Variants in NRG3 observed in about 807,000 individuals in gnomAD.
The protein encoded by NRG3 is neuregulin 3.
In NRG3, 31 loss-of-function variants were observed where a neutral mutation model predicts 66.9. The ratio of observed to expected loss-of-function variants is 0.46; its 90% CI spans 0.35 to 0.63. The LOEUF is 0.63. Among genes scored for constraint, NRG3 ranks in the 20% least tolerant of loss-of-function variants. NRG3 has a pLI of 0.00. For missense variants in NRG3, 910 were observed against 878.9 expected (o/e 1.04, Z -0.45); for synonymous variants, 393 against 359.4 (o/e 1.09, Z -1.06).
intron 2 of NRG3, among the ~76,000 whole-genome samples, chr10:82,649,567 T>C (rs2051245821): frequency 6.6e-6 from 1 of 150,554 alleles, no homozygotes; most frequent in Admixed American, 6.7e-5. Context: ...GCCTCCCAGG[T>C]TTAAGCGTCC....
intron 1 of NRG3, among the ~76,000 whole-genome samples, chr10:82,313,627 T>C (rs2081147142): frequency 6.8e-6 from 1 of 147,014 alleles, no homozygotes; most frequent in Admixed American, 6.7e-5. Context: ...AGCCTGATGA[T>C]GGATGTGGGA....
chr10:82,520,166 C>G (rs1216777359), intron 2 of NRG3, among the ~76,000 whole-genome samples: 1 of 148,702 alleles, frequency 6.7e-6, no homozygotes. Flanking sequence ...AGAAGCTGTC[C>G]TAGGGCTTCC....
intron 2 of NRG3, among the ~76,000 whole-genome samples, chr10:82,458,000 G>C (rs1324277668): frequency 1.3e-5 from 2 of 152,232 alleles, no homozygotes; most frequent in African/African-American, 4.8e-5. Context: ...AGACAAGAAA[G>C]GCACAGACCG....
intron 1 of NRG3, among the ~76,000 whole-genome samples, chr10:82,197,863 A>AT (rs1420420587): frequency 6.6e-6 from 1 of 152,176 alleles, no homozygotes; most frequent in Non-Finnish European, 1.5e-5. Context: ...AAATATGTTA[A>AT]TTATTGTAAA....
At chr10:81,943,932 T>C (rs1160634871) in intron 1 of NRG3, among the ~76,000 whole-genome samples, 1 of 152,064 alleles carries the variant, frequency 6.6e-6, no homozygotes, top group East Asian at 1.9e-4. Context: ...TTGTGACAAG[T>C]GTAGTCTCCA....
intron 4 of NRG3, among the ~76,000 whole-genome samples, chr10:82,940,384 G>A (rs547561204): frequency 2.0e-5 from 3 of 152,254 alleles, no homozygotes; most frequent in African/African-American, 7.2e-5. Context: ...TAAGCTTGTA[G>A]AATCATTGCC....
chr10:82,347,496 C>T, intron 1 of NRG3, among the ~76,000 whole-genome samples: 1 of 151,238 alleles, frequency 6.6e-6, no homozygotes, highest in Non-Finnish European at 1.5e-5. Flanking sequence ...ACTATGTGGT[C>T]AATTTTGGAA....
intron 2 of NRG3, among the ~76,000 whole-genome samples, chr10:82,479,781 C>T (rs1272755203): frequency 6.6e-6 from 1 of 150,814 alleles, no homozygotes; most frequent in Non-Finnish European, 1.5e-5. Flanking sequence ...TCCTGGCTAA[C>T]ATGGTAAAAC....
chr10:81,979,791 A>G (rs7094846), intron 1 of NRG3, among the ~76,000 whole-genome samples: 55,993 of 152,060 alleles, frequency 0.37, 13,023 homozygotes, highest in East Asian at 0.77. Context: ...GACCGCTCTA[A>G]TGGGTTTTAC....
chr10:81,982,704 A>G (rs987374179), intron 1 of NRG3, among the ~76,000 whole-genome samples: 2 of 152,064 alleles, frequency 1.3e-5, no homozygotes, highest in African/African-American at 4.8e-5. Context: ...TTTGTCTACA[A>G]AATTTCTTCT....
intron 1 of NRG3, among the ~76,000 whole-genome samples, chr10:81,992,617 G>A (rs1372886887): frequency 6.6e-6 from 1 of 152,046 alleles, no homozygotes; most frequent in Non-Finnish European, 1.5e-5. Context: ...ACTGTTTTAG[G>A]TTCCTTTTCT....
intron 1 of NRG3, among the ~76,000 whole-genome samples, chr10:82,273,771 A>G: frequency 6.6e-6 from 1 of 152,040 alleles, no homozygotes; most frequent in East Asian, 1.9e-4. Context: ...GTAGAAGAAA[A>G]TCAGTTAATA....
In NRG3 at chr10:82,699,143, G is replaced by C. The variant is rs1176272835; in HGVS notation, c.954-39434G>C. Among the ~76,000 whole-genome samples, 3 of 152,106 alleles carry C rather than the reference G, an allele frequency of 2.0e-5. No homozygotes were observed. The East Asian group carries it at 5.8e-4, about 29-fold the overall frequency. ...ATCCCAAGATCCTGAAATGGATTAGGATCAATTTGTGTTAATCTTGAAGTA... is the reference window on the plus strand; with the variant it reads ...ATCCCAAGATCCTGAAATGGATTAGCATCAATTTGTGTTAATCTTGAAGTA... On this transcript the variant is annotated intron_variant, in intron 2 of 8. Coordinates refer to ENST00000372141, the MANE Select transcript of NRG3 (RefSeq NM_001010848.4).
rs189764891 is a variant in NRG3 at position 82,290,697 on chromosome 10, C to T, written c.824-68042C>T. On this transcript the variant is annotated intron_variant, in intron 1 of 8. Transcript: ENST00000372141. ...TCACCCAGGCTAGAGTGCAGTGGCG[C>T]GATCTCGGCTCACTGCAACCTCCGC... Among the ~76,000 whole-genome samples, 511 of 151,550 alleles carry T rather than the reference C, an allele frequency of 3.4e-3. 4 individuals carry two copies. The highest frequency in any genetic ancestry group is 0.012 in the African/African-American group (493 of 41,308).
At chr10:82,272,718 A>G (rs2078659607) in intron 1 of NRG3, among the ~76,000 whole-genome samples, 1 of 152,048 alleles carries the variant, frequency 6.6e-6, no homozygotes, top group African/African-American at 2.4e-5. Flanking sequence ...AATAATTTTC[A>G]GTGTGGCCCT....
intron 1 of NRG3, among the ~76,000 whole-genome samples, chr10:82,107,597 T>C (rs539051280): frequency 6.6e-6 from 1 of 152,336 alleles, no homozygotes; most frequent in Admixed American, 6.5e-5. Context: ...AGAACTAGGA[T>C]TCAGATGCAC....
At chr10:82,493,002 G>A (rs1313010497) in intron 2 of NRG3, among the ~76,000 whole-genome samples, 1 of 152,140 alleles carries the variant, frequency 6.6e-6, no homozygotes, top group Non-Finnish European at 1.5e-5. Context: ...GATTAGTTGG[G>A]TATCCCTGCT....
intron 3 of NRG3, among the ~76,000 whole-genome samples, chr10:82,849,251 T>C (rs539088): frequency 0.75 from 114,267 of 152,060 alleles, 43,404 homozygotes; most frequent in African/African-American, 0.87. Context: ...AGATTGCCAG[T>C]GAACCATCAG....
chr10:81,948,992 C>T (rs1019491422), intron 1 of NRG3, among the ~76,000 whole-genome samples: 5 of 152,102 alleles, frequency 3.3e-5, no homozygotes, highest in African/African-American at 1.2e-4. Flanking sequence ...TTGTCCTCTC[C>T]CCAGGGAGTA....
Sources: gnomAD v4.1 joint callset for allele counts (sites outside exome capture counted in the v4.1 genomes callset) on GRCh38, gnomAD v4.1.1 for gene constraint, MANE v1.5 for transcripts, NCBI Gene and HGNC (gene_info 2026-07-23, HGNC 2026-07-21) for gene names.